Variants in FCHO1 observed in about 807,000 individuals in gnomAD.
FCHO1 encodes the protein FCH and mu domain containing endocytic adaptor 1.
In FCHO1, 45 loss-of-function variants were observed where a neutral mutation model predicts 114.4. The observed-to-expected ratio is 0.39, with a 90% CI of 0.31 to 0.50. The LOEUF (loss-of-function observed/expected upper bound fraction) is 0.50, where lower values mean the gene tolerates loss of function less well. Ranked by LOEUF, FCHO1 falls within the 20% of genes least tolerant of loss-of-function variation. FCHO1 has a pLI of 0.77. For synonymous variants in FCHO1, 480 were observed against 488.9 expected (o/e 0.98, Z 0.24); for missense variants, 1,042 against 1,209.6 (o/e 0.86, Z 2.06).
rs908705472 is a variant in FCHO1 at position 17,775,814 on chromosome 19, G to T, written c.1004-169G>T. Among the ~76,000 whole-genome samples, 3 of 152,014 alleles carry T rather than the reference G, an allele frequency of 2.0e-5. No individual in the cohort carries two copies. Among genetic ancestry groups the T allele is most frequent in the African/African-American group, 4.8e-5 (2 of 41,408 alleles). On this transcript the variant is annotated intron_variant, in intron 15 of 28. Coordinates refer to ENST00000596536, the MANE Select transcript of FCHO1 (RefSeq NM_015122.3). This position sits in a 1 kb window ranked among gnomAD's most constrained non-coding sequence, Gnocchi z 5.1. Reference sequence around the variant, plus strand: ...GCTTGTGCAAAGGCTTCTCGGGGGGGGTGGGAGTGCTGGTGGGACATGGTG... The same window carrying T: ...GCTTGTGCAAAGGCTTCTCGGGGGGTGTGGGAGTGCTGGTGGGACATGGTG...
At chr19:17,770,770 G>A (rs374940293) in intron 8 of FCHO1, 22 bp from the exon 9 acceptor site, 116 of 1,613,206 alleles carry the variant, frequency 7.2e-5, no homozygotes, top group Middle Eastern at 5.2e-4. Context: ...TCCCATCCCC[G>A]TTTCCTCCCT....
intron 9 of FCHO1, among the ~76,000 whole-genome samples, chr19:17,771,374 AAG>A (rs2091473485): frequency 2.0e-5 from 3 of 150,822 alleles, no homozygotes; most frequent in South Asian, 4.2e-4. Flanking sequence ...AAAAAAAGAA[AAG>A]AAAAGAAAAA....
At chr19:17,772,226 A>C (rs574528699) in intron 9 of FCHO1, among the ~76,000 whole-genome samples, 1 of 152,236 alleles carries the variant, frequency 6.6e-6, no homozygotes, top group African/African-American at 2.4e-5. Flanking sequence ...GTGTGCATCA[A>C]ACTGGGCACC....
Position 17,781,356 on chromosome 19 carries a change from G to C in FCHO1, c.1740+13G>C. On this transcript the variant is annotated intron_variant, in intron 21 of 28. Coordinates refer to ENST00000596536, the MANE Select transcript of FCHO1 (RefSeq NM_015122.3). ...CAATGGGGACCTGGTAGGTGAGGGG[G>C]CGTGGCAGGAGCTGGACTGGGGGTC... is the stretch of plus-strand genomic sequence containing the variant. The C allele has an allele frequency of 1.2e-6, 2 of 1,611,588 alleles. No individual in the cohort carries two copies. The highest frequency in any genetic ancestry group is 1.7e-6 in the Non-Finnish European group (2 of 1,177,802).
intron 7 of FCHO1, among the ~76,000 whole-genome samples, chr19:17,767,395 CAAAA>C (rs3083683): frequency 1.5e-5 from 2 of 130,766 alleles, no homozygotes. Flanking sequence ...CCATCTTTAC[CAAAA>C]AAAAAAAAAC....
chr19:17,764,103 G>T (rs934432979), intron 5 of FCHO1, among the ~76,000 whole-genome samples: 1 of 150,820 alleles, frequency 6.6e-6, no homozygotes, highest in South Asian at 2.1e-4. Context: ...GCAGTGGCAC[G>T]ATCTCAGCTC....
intron 4 of FCHO1, among the ~76,000 whole-genome samples, chr19:17,757,936 G>C (rs1340564746): frequency 7.6e-6 from 1 of 131,618 alleles, no homozygotes; most frequent in Non-Finnish European, 1.7e-5. Context: ...AAAAAAAAAA[G>C]CCGGGTGCGG....
At position 17,766,780 on chromosome 19, in the gene FCHO1, C is replaced by T. The variant is rs374582760; in HGVS notation, c.306C>T (p.Tyr102=). ...LQDLIKDVLR[Y]GEEQLKTHKK... is the part of the protein sequence containing the mutation. ...ATCTCATCAAGGACGTTCTCCGCTA[C>T]GGCGAGGAACAGCTCAAGACCCACA... is the stretch of plus-strand genomic sequence containing the variant. The change falls in exon 7 of 29, where the codon TAC becomes TAT. Residue 102 remains tyrosine, a synonymous_variant. Coordinates refer to ENST00000596536, the MANE Select transcript of FCHO1 (RefSeq NM_015122.3). 1.2e-4 allele frequency: 186 copies of T among 1,614,134 alleles called. 2 individuals are homozygous for T. Among genetic ancestry groups the T allele is most frequent in the South Asian group, 1.1e-3 (100 of 91,074 alleles).
chr19:17,748,507 T>TGG (rs71162188), upstream of FCHO1, among the ~76,000 whole-genome samples: 5,301 of 133,968 alleles, frequency 0.04, 192 homozygotes, highest in African/African-American at 0.094. Flanking sequence ...AGCCTGGACT[T>TGG]GGGGGGGGGG....
At position 17,770,426 on chromosome 19, in the gene FCHO1, G is replaced by A. The variant is rs1375624468; in HGVS notation, c.338G>A (p.Cys113Tyr). The A allele has an allele frequency of 3.7e-6, 6 of 1,610,208 alleles. No homozygotes were observed. The highest frequency in any genetic ancestry group is 5.1e-6 in the Non-Finnish European group (6 of 1,178,078). Residue 113 changes from cysteine to tyrosine, a missense_variant and splice_region_variant, in exon 8 of 29, where the codon TGC (cysteine) becomes TAC (tyrosine). Cys to Tyr is a radical substitution (Grantham distance 194). Around this residue, in one of 3 missense-constraint regions of FCHO1, gnomAD observed 450 missense variants for 564.1 expected, o/e 0.80. Transcript: ENST00000596536. ...ATGAAATCCCCTCCTACCCCGCAGT[G>A]CAAGGAGGAAGTGGTGAGCACCTTG... ...GEEQLKTHKK[C>Y]KEEVVSTLDA...
At chr19:17,752,134 A>C (rs905426598) in intron 1 of FCHO1, 1 of 152,220 alleles carries the variant, frequency 6.6e-6, no homozygotes, top group African/African-American at 2.4e-5. Flanking sequence ...CTTCTAGAAC[A>C]ATGTTGGCCA....
intron 24 of FCHO1, among the ~76,000 whole-genome samples, 157 bp from the exon 25 acceptor site, chr19:17,783,946 C>G (rs1431105483): frequency 6.6e-6 from 1 of 152,212 alleles, no homozygotes; most frequent in African/African-American, 2.4e-5. Context: ...TGTTTTCCAT[C>G]CCTCCTTTAC....
intron 10 of FCHO1, 30 bp from the exon 11 acceptor site, chr19:17,772,615 C>T: frequency 1.2e-6 from 2 of 1,613,438 alleles, no homozygotes; most frequent in Non-Finnish European, 1.7e-6. Context: ...GGGGCCTTGA[C>T]CAGTTACACA....
At chr19:17,763,698 C>T (rs1215465159) in intron 5 of FCHO1, among the ~76,000 whole-genome samples, 2 of 151,040 alleles carry the variant, frequency 1.3e-5, no homozygotes, top group Non-Finnish European at 2.9e-5. Context: ...GCTGGGACTA[C>T]AGGCATGCAC....
In FCHO1 at chr19:17,784,768, C is replaced by T. The variant is rs1169397963; in HGVS notation, c.2270C>T (p.Ala757Val). 1.2e-6 allele frequency: 2 copies of T among 1,614,068 alleles called. No individual in the cohort carries two copies. The highest frequency in any genetic ancestry group is 1.7e-5 in the Admixed American group (1 of 60,018). Reference protein sequence around the residue: ...GPQSVPLQLSAHWQCGATLTQ... With the variant: ...GPQSVPLQLSVHWQCGATLTQ... Reference sequence around the variant, plus strand: ...CAGTCTGTGCCTCTGCAGCTCAGTGCCCACTGGCAGTGTGGAGCCACCCTC... The same window carrying T: ...CAGTCTGTGCCTCTGCAGCTCAGTGTCCACTGGCAGTGTGGAGCCACCCTC... The change falls in exon 26 of 29, where the codon GCC (alanine) becomes GTC (valine). Residue 757 changes from alanine (A) to valine (V), a missense_variant. Transcript: ENST00000596536. The surrounding 1 kb of genome is among the most constrained non-coding windows in gnomAD (Gnocchi z 5.3).
chr19:17,753,387 A>G (rs889902111), intron 1 of FCHO1, among the ~76,000 whole-genome samples: 2 of 152,150 alleles, frequency 1.3e-5, no homozygotes, highest in Admixed American at 6.5e-5. Flanking sequence ...GTGAACTCCT[A>G]TTCATGCTTT....
At chr19:17,780,600 G>A (rs1000460531) in intron 20 of FCHO1, among the ~76,000 whole-genome samples, 3 of 152,154 alleles carry the variant, frequency 2.0e-5, no homozygotes, top group African/African-American at 7.2e-5. Flanking sequence ...CTGGGTTGCT[G>A]CTCAGCACCC....
rs754761937 is a variant in FCHO1 at position 17,774,449 on chromosome 19, G to T, written c.891G>T (p.Arg297=). 6.2e-7 allele frequency: 1 copy of T among 1,613,538 alleles called. No homozygotes were observed. ...KAFRLPGLSR[R]EREPEPPAAV... Reference sequence around the variant, plus strand: ...TTCGCCTTCCAGGACTAAGCCGGCGGGAGCGGGAGCCAGAGCCACCTGCAG... The same window carrying T: ...TTCGCCTTCCAGGACTAAGCCGGCGTGAGCGGGAGCCAGAGCCACCTGCAG... Residue 297 remains arginine (R), a synonymous_variant, in exon 13 of 29, where the codon CGG becomes CGT. Transcript: ENST00000596536.
At chr19:17,754,840 C>T (rs2082914345) in intron 3 of FCHO1, 159 bp downstream of exon 3, 1 of 383,268 alleles carries the variant, frequency 2.6e-6, no homozygotes, top group South Asian at 2.4e-5. Context: ...CATGCCCCCT[C>T]CTCCAATCTA....
Sources: gnomAD v4.1 joint callset for allele counts (sites outside exome capture counted in the v4.1 genomes callset) on GRCh38, gnomAD v4.1.1 for gene constraint, gnomAD v4.1.1 regional missense constraint, Gnocchi (gnomAD v3.1) non-coding constraint, MANE v1.5 for transcripts, NCBI Gene and HGNC (gene_info 2026-07-23, HGNC 2026-07-21) for gene names.